The following SORCS3 variants were observed in gnomAD, a reference collection of about 807,000 sequenced individuals.
The protein encoded by SORCS3 is VPS10 domain-containing receptor SorCS3.
In SORCS3, 57 loss-of-function variants were observed where a neutral mutation model predicts 146.3. That is an observed-to-expected ratio of 0.39 (90% CI 0.31 to 0.49). SORCS3 has a LOEUF of 0.49. Among genes scored for constraint, SORCS3 ranks in the 20% least tolerant of loss-of-function variants. The pLI is 0.92. For missense variants in SORCS3, 1,341 were observed against 1,575.5 expected (o/e 0.85, Z 2.52); for synonymous variants, 653 against 618.5 (o/e 1.06, Z -0.83).
At chr10:104,863,046 G>A (rs1044788071) in intron 2 of SORCS3, among the ~76,000 whole-genome samples, 7 of 152,142 alleles carry the variant, frequency 4.6e-5, no homozygotes, top group Admixed American at 2.0e-4. Context: ...CCCCAAGTAG[G>A]TACGTTATAC....
At chr10:105,093,526 T>C (rs539486162) in intron 6 of SORCS3, among the ~76,000 whole-genome samples, 4 of 152,180 alleles carry the variant, frequency 2.6e-5, no homozygotes, top group African/African-American at 9.6e-5. Flanking sequence ...AGCCAGAACA[T>C]ATAAAGAATG....
intron 13 of SORCS3, among the ~76,000 whole-genome samples, chr10:105,169,877 A>G (rs1486327753): frequency 6.6e-6 from 1 of 152,098 alleles, no homozygotes; most frequent in African/African-American, 2.4e-5. Context: ...TTCATAAGAG[A>G]GTTGATAAAT....
intron 5 of SORCS3, among the ~76,000 whole-genome samples, chr10:105,060,387 C>A (rs73342219): frequency 0.059 from 8,967 of 152,186 alleles, 286 homozygotes; most frequent in Middle Eastern, 0.088. Flanking sequence ...AAAGTGATAA[C>A]TTAGAGGCTT....
At chr10:104,803,694 G>A (rs778914706) in intron 1 of SORCS3, among the ~76,000 whole-genome samples, 4 of 152,070 alleles carry the variant, frequency 2.6e-5, no homozygotes, top group African/African-American at 7.2e-5. Context: ...TAGGGAATGC[G>A]TTTAATGTTT....
chr10:104,808,186 C>A (rs1425687712), intron 1 of SORCS3, among the ~76,000 whole-genome samples: 1 of 152,218 alleles, frequency 6.6e-6, no homozygotes, highest in South Asian at 2.1e-4. Context: ...ACTTCTGAAG[C>A]AGAAGAAGCA....
At chr10:104,905,967 A>G (rs2018900879) in intron 2 of SORCS3, among the ~76,000 whole-genome samples, 1 of 152,182 alleles carries the variant, frequency 6.6e-6, no homozygotes, top group African/African-American at 2.4e-5. Flanking sequence ...GATGAGTGGG[A>G]CACAGAATTT....
intron 4 of SORCS3, among the ~76,000 whole-genome samples, chr10:105,006,466 A>G (rs2055096048): frequency 6.6e-6 from 1 of 152,048 alleles, no homozygotes; most frequent in Non-Finnish European, 1.5e-5. Flanking sequence ...TAATCCACAT[A>G]CCATCTACTC....
At chr10:104,978,780 T>A (rs2054916806) in intron 4 of SORCS3, among the ~76,000 whole-genome samples, 1 of 152,140 alleles carries the variant, frequency 6.6e-6, no homozygotes. Flanking sequence ...CCTGAAAAAA[T>A]ATTTCCCAAA....
At chr10:104,978,820 C>T (rs983990877) in intron 4 of SORCS3, among the ~76,000 whole-genome samples, 4 of 152,134 alleles carry the variant, frequency 2.6e-5, no homozygotes, top group African/African-American at 9.7e-5. Flanking sequence ...TGCTTAAACC[C>T]TTCTCACATT....
intron 9 of SORCS3, 86 bp from the exon 10 acceptor site, chr10:105,157,052 A>C: frequency 6.7e-7 from 1 of 1,495,564 alleles, no homozygotes; most frequent in Non-Finnish European, 9.1e-7. Context: ...ATGCCGTGGG[A>C]AATTCTGCGG....
chr10:104,936,961 G>T (rs1179676160), intron 3 of SORCS3, among the ~76,000 whole-genome samples: 3 of 152,184 alleles, frequency 2.0e-5, no homozygotes, highest in African/African-American at 7.2e-5. Flanking sequence ...ATTTGACTAG[G>T]CTTCAAAACA....
At chr10:105,156,873 A>G (rs985289051) in intron 9 of SORCS3, among the ~76,000 whole-genome samples, 1 of 152,150 alleles carries the variant, frequency 6.6e-6, no homozygotes, top group Non-Finnish European at 1.5e-5. Context: ...CCTATGGAAC[A>G]AAGTACAGAG....
At chr10:104,933,847 T>G (rs911932562) in intron 3 of SORCS3, among the ~76,000 whole-genome samples, 6 of 152,132 alleles carry the variant, frequency 3.9e-5, no homozygotes, top group African/African-American at 7.2e-5. Context: ...CAGGCTGGAG[T>G]GCAATGGTGC....
chr10:104,651,878 G>A (rs2015565625), intron 1 of SORCS3, among the ~76,000 whole-genome samples: 1 of 152,154 alleles, frequency 6.6e-6, no homozygotes, highest in African/African-American at 2.4e-5. Flanking sequence ...CAGGCTGGAA[G>A]AGTCAAGGAG....
At chr10:104,880,895 T>C (rs3001931) in intron 2 of SORCS3, among the ~76,000 whole-genome samples, 127,691 of 152,168 alleles carry the variant, frequency 0.84, 54,039 homozygotes, top group East Asian at 0.98. Flanking sequence ...ACTTCAAAAC[T>C]GTGTGTTTGT....
chr10:105,217,008 C>G lies in SORCS3; in HGVS notation c.2620C>G (p.Pro874Ala). 6.2e-7 allele frequency: 1 copy of G among 1,614,152 alleles called. No individual in the cohort carries two copies. Among genetic ancestry groups the G allele is most frequent in the East Asian group, 2.2e-5 (1 of 44,882 alleles). Residue 874 changes from proline (P) to alanine (A), a missense_variant, in exon 19 of 27, where the codon CCC becomes GCC. Transcript: ENST00000369701. Reference protein sequence around the residue: ...GIAVSYANFSPIEDGIKHVYK... With the variant: ...GIAVSYANFSAIEDGIKHVYK... ...TGCTGTGTCCTACGCAAACTTCAGC[C>G]CCATCGAGGACGGCATCAAGCACGT...
chr10:104,896,569 G>T lies in SORCS3; in HGVS notation c.696-19264G>T, dbSNP rs552117248. 2.6e-5 allele frequency among the ~76,000 whole-genome samples: 4 copies of T among 152,350 alleles called. No individual in the cohort carries two copies. The East Asian group carries it at 7.7e-4, about 29-fold the overall frequency. ...GCAGTTGTGTGATTCAAGAAGTAAT[G>T]AGAGACCACAGTAGGGATGGGGCAA... On this transcript the variant is annotated intron_variant, in intron 2 of 26. Transcript: ENST00000369701.
chr10:105,245,193 G>A (rs369366267), intron 20 of SORCS3, among the ~76,000 whole-genome samples: 1 of 151,948 alleles, frequency 6.6e-6, no homozygotes, highest in East Asian at 1.9e-4. Context: ...AGTGACACCA[G>A]ATATTGGAGG....
In SORCS3 at chr10:105,167,614, A is replaced by C. The variant is rs112557781; in HGVS notation, c.1901+265A>C. Among the ~76,000 whole-genome samples, 349 of 152,278 alleles carry C rather than the reference A, an allele frequency of 2.3e-3. 3 individuals are homozygous for C. The highest frequency in any genetic ancestry group is 8.1e-3 in the African/African-American group (337 of 41,550). On this transcript the variant is annotated intron_variant, in intron 13 of 26. Transcript: ENST00000369701. Reference sequence around the variant, plus strand: ...GCAGAAGACAGCAGGAAGGACCTGCAGTTCAAGTAGCCAAGATCAGTAATC... The same window carrying C: ...GCAGAAGACAGCAGGAAGGACCTGCCGTTCAAGTAGCCAAGATCAGTAATC...
Sources: allele counts gnomAD v4.1 joint callset (sites outside exome capture counted in the v4.1 genomes callset), GRCh38; gene constraint gnomAD v4.1.1; transcripts MANE v1.5; gene names NCBI Gene and HGNC (gene_info 2026-07-23, HGNC 2026-07-21).